Variants in HAPLN3 observed in about 807,000 individuals in gnomAD.
HAPLN3 encodes extracellular link domain containing, 1.
HAPLN3 carries 28 observed loss-of-function variants against 28.1 expected under a neutral mutation model. The ratio of observed to expected loss-of-function variants is 1.00; its 90% CI spans 0.74 to 1.37. The LOEUF (loss-of-function observed/expected upper bound fraction) is 1.37, where lower values mean the gene tolerates loss of function less well. Ranked by LOEUF, HAPLN3 falls within the 40% of genes most tolerant of loss-of-function variation. The pLI is 0.00. For missense variants in HAPLN3, 513 were observed against 504.6 expected (o/e 1.02, Z -0.16); for synonymous variants, 211 against 213.1 (o/e 0.99, Z 0.09).
In HAPLN3 at chr15:88,879,288, G is replaced by C. The variant is rs752355835; in HGVS notation, c.494-19C>G. ...ACCACACCTGCAGGGGAAGGAAAGA[G>C]GAGCTTAGGGGGTGGCCAGGGGCCC... is the stretch of plus-strand genomic sequence containing the variant. On this transcript the variant is annotated intron_variant, in intron 3 of 4. Coordinates refer to ENST00000359595, the MANE Select transcript of HAPLN3 (RefSeq NM_178232.4). This position sits in a 1 kb window ranked among gnomAD's most constrained non-coding sequence, Gnocchi z 5.0. 4 of 1,604,158 alleles carry C rather than the reference G, an allele frequency of 2.5e-6. No homozygotes were observed. Among genetic ancestry groups the C allele is most frequent in the African/African-American group, 1.3e-5 (1 of 74,912 alleles).
At chr15:88,887,424 A>G in intron 1 of HAPLN3, 79 bp from the exon 2 acceptor site, 1 of 1,305,134 alleles carries the variant, frequency 7.7e-7, no homozygotes, top group Non-Finnish European at 1.1e-6. Context: ...AACACCACTC[A>G]CTCGCTTGCT....
intron 1 of HAPLN3, among the ~76,000 whole-genome samples, chr15:88,890,023 G>GAGGAAGGAAGGAAAGGA (rs1456168627): frequency 6.7e-6 from 1 of 148,208 alleles, no homozygotes; most frequent in Non-Finnish European, 1.5e-5. Flanking sequence ...GGAGGAAGGG[G>GAGGAAGGAAGGAAAGGA]AGGAAGGAAG....
Position 88,879,955 on chromosome 15 carries a change from C to A in HAPLN3, c.494-686G>T, listed in dbSNP as rs1897652230. On this transcript the variant is annotated intron_variant, in intron 3 of 4. Transcript: ENST00000359595. The surrounding 1 kb of genome is among the most constrained non-coding windows in gnomAD (Gnocchi z 5.0). Reference sequence around the variant, plus strand: ...TGTAGTCTCTACCAAGTCAATGAAACCTTAGGGAGTGGAGGTGACCCTAGG... The same window carrying A: ...TGTAGTCTCTACCAAGTCAATGAAAACTTAGGGAGTGGAGGTGACCCTAGG... 1.0e-6 allele frequency: 1 copy of A among 1,004,440 alleles called. No individual in the cohort carries two copies. Among genetic ancestry groups the A allele is most frequent in the African/African-American group, 1.7e-5 (1 of 57,562 alleles). The allele number at this position is 1,004,440 out of a possible 1,614,324, so 62.2% of individuals were successfully genotyped here.
rs1221106731 is a variant in HAPLN3 at position 88,881,319 on chromosome 15, C to T, written c.493+38G>A. 7 of 1,581,072 alleles carry T rather than the reference C, an allele frequency of 4.4e-6. No individual in the cohort carries two copies. The highest frequency in any genetic ancestry group is 1.7e-6 in the Non-Finnish European group (2 of 1,163,280). The stretch of plus-strand genomic sequence containing the variant: ...TCTCTGGTCCTCTCCCCTCTGCTCT[C>T]AGGTCCCAGTGTCACCCAGTCCCCG... On this transcript the variant is annotated intron_variant, in intron 3 of 4. Transcript: ENST00000359595. This position sits in a 1 kb window ranked among gnomAD's most constrained non-coding sequence, Gnocchi z 6.0.
rs554106896 is a variant in HAPLN3, at chr15:88,878,007, C to A, written c.1046G>T (p.Ser349Ile). The change falls in exon 5 of 5, where the codon AGC (serine) becomes ATC (isoleucine). Residue 349 changes from serine (S) to isoleucine (I), a missense_variant. By Grantham distance (142) the Ser-to-Ile change is moderately radical (BLOSUM62 -2). Coordinates refer to ENST00000359595, the MANE Select transcript of HAPLN3 (RefSeq NM_178232.4). ...GTAGCAGTAAACACCGTACAAGCGG[C>A]TCTGCGGGTCGGGGAAGCCAAAGCT... ...VRSFGFPDPQ[S>I]RLYGVYCYRQ... 1.2e-6 allele frequency: 2 copies of A among 1,613,544 alleles called. No individual in the cohort carries two copies. The highest frequency in any genetic ancestry group is 1.1e-5 in the South Asian group (1 of 91,006).
Position 88,887,211 on chromosome 15 carries a change from C to A in HAPLN3, c.88G>T (p.Ala30Ser). The change falls in exon 2 of 5, where the codon GCC becomes TCC. Residue 30 changes from alanine (A) to serine (S), a missense_variant. Coordinates refer to ENST00000359595, the MANE Select transcript of HAPLN3 (RefSeq NM_178232.4). ...FYNGFYYSNSANDQNLGNGHG... is the reference protein window; with the variant it reads ...FYNGFYYSNSSNDQNLGNGHG... ...CCGTTGCCTAGGTTCTGGTCGTTGG[C>A]GCTGTTGGAGTAGTAGAAGCCGTTG... 1 of 1,614,118 alleles carries A rather than the reference C, an allele frequency of 6.2e-7. No individual in the cohort carries two copies. The highest frequency in any genetic ancestry group is 1.1e-5 in the South Asian group (1 of 91,076).
intron 1 of HAPLN3, among the ~76,000 whole-genome samples, chr15:88,890,353 T>G (rs189361257): frequency 3.9e-5 from 6 of 152,308 alleles, no homozygotes; most frequent in African/African-American, 1.4e-4. Flanking sequence ...CCCTTGGTGA[T>G]GGAGAACTGG....
intron 1 of HAPLN3, among the ~76,000 whole-genome samples, chr15:88,890,466 A>G (rs1335559900): frequency 6.6e-6 from 1 of 152,210 alleles, no homozygotes; most frequent in East Asian, 1.9e-4. Flanking sequence ...ATTCTGGGCA[A>G]GTTTCCTCGG....
chr15:88,891,433 A>G (rs1385449215), intron 1 of HAPLN3, among the ~76,000 whole-genome samples: 4 of 152,036 alleles, frequency 2.6e-5, no homozygotes, highest in African/African-American at 9.7e-5. Flanking sequence ...AGTAGCTGGG[A>G]TTACAGGTGT....
At chr15:88,886,853 C>A (rs184797729) in intron 2 of HAPLN3, among the ~76,000 whole-genome samples, 1 of 152,194 alleles carries the variant, frequency 6.6e-6, no homozygotes, top group Non-Finnish European at 1.5e-5. Context: ...CATTCAAACT[C>A]ACATCTATTC....
chr15:88,885,741 C>G (rs1266061059), intron 2 of HAPLN3, among the ~76,000 whole-genome samples: 3 of 152,154 alleles, frequency 2.0e-5, no homozygotes, highest in African/African-American at 7.2e-5. Flanking sequence ...AGGTGTGAGT[C>G]ACCGCGCCTG....
rs1897937524 is a variant in HAPLN3, at chr15:88,888,921, CCA to C, written c.-47-1578_-47-1577del. Reference sequence around the variant, plus strand: ...GTATACAGGAGGTCCTCCATTTGCCCCACACACCCACCAGGTCCATCGTCTGT... The same window carrying C: ...GTATACAGGAGGTCCTCCATTTGCCCCACACCCACCAGGTCCATCGTCTGT... On this transcript the variant is annotated intron_variant, in intron 1 of 4. Coordinates refer to ENST00000359595, the MANE Select transcript of HAPLN3 (RefSeq NM_178232.4). The surrounding 1 kb of genome is among the most constrained non-coding windows in gnomAD (Gnocchi z 4.1). 6.6e-6 allele frequency among the ~76,000 whole-genome samples: 1 copy of C among 152,206 alleles called. No individual in the cohort carries two copies. Among genetic ancestry groups the C allele is most frequent in the Non-Finnish European group, 1.5e-5 (1 of 68,044 alleles).
chr15:88,881,525 G>T lies in HAPLN3; in HGVS notation c.325C>A (p.His109Asn). The change falls in exon 3 of 5, where the codon CAC (histidine) becomes AAC (asparagine). Residue 109 changes from histidine (H) to asparagine (N), a missense_variant. Coordinates refer to ENST00000359595, the MANE Select transcript of HAPLN3 (RefSeq NM_178232.4). The surrounding 1 kb of genome is among the most constrained non-coding windows in gnomAD (Gnocchi z 6.0). The part of the protein sequence containing the change: ...KDVLVAIGLR[H>N]RSFGDYQGRV... ...CCTTGGTAGTCCCCAAAGGAGCGGT[G>T]CCTCAGCCCGATGGCCACCAGCACG... 1 of 1,614,108 alleles carries T rather than the reference G, an allele frequency of 6.2e-7. No homozygotes were observed. Among genetic ancestry groups the T allele is most frequent in the East Asian group, 2.2e-5 (1 of 44,874 alleles).
In HAPLN3 at chr15:88,881,482, T is replaced by C; in HGVS notation, c.368A>G (p.Gln123Arg). The change falls in exon 3 of 5, where the codon CAG (glutamine) becomes CGG (arginine). Residue 123 changes from glutamine to arginine, a missense_variant. Gln to Arg is a conservative substitution (Grantham distance 43). Coordinates refer to ENST00000359595, the MANE Select transcript of HAPLN3 (RefSeq NM_178232.4). This position sits in a 1 kb window ranked among gnomAD's most constrained non-coding sequence, Gnocchi z 6.0. The stretch of plus-strand genomic sequence containing the variant: ...CAGCGAGACGTCATGCTCTTTGTCC[T>C]GCCGCAGGTGCACGCGGCCTTGGTA... ...GDYQGRVHLR[Q>R]DKEHDVSLEI... 2 of 1,614,068 alleles carry C rather than the reference T, an allele frequency of 1.2e-6. No homozygotes were observed. Among genetic ancestry groups the C allele is most frequent in the Non-Finnish European group, 8.5e-7 (1 of 1,180,030 alleles).
intron 1 of HAPLN3, among the ~76,000 whole-genome samples, chr15:88,890,583 G>A (rs1197227930): frequency 6.6e-6 from 1 of 152,204 alleles, no homozygotes; most frequent in Non-Finnish European, 1.5e-5. Flanking sequence ...CCGTTCAGCT[G>A]AAGACTGCAT....
In HAPLN3 at chr15:88,888,754, G is replaced by T. The variant is rs1897933400; in HGVS notation, c.-47-1409C>A. Among the ~76,000 whole-genome samples the T allele has an allele frequency of 6.6e-6, 1 of 152,220 alleles. No homozygotes were observed. Among genetic ancestry groups the T allele is most frequent in the South Asian group, 2.1e-4 (1 of 4,834 alleles). ...CTGTGTGTTGAGTACCACGATGGAG[G>T]TACAGAAACGGGAATGTCCAAATGA... On this transcript the variant is annotated intron_variant, in intron 1 of 4. Coordinates refer to ENST00000359595, the MANE Select transcript of HAPLN3 (RefSeq NM_178232.4). This position sits in a 1 kb window ranked among gnomAD's most constrained non-coding sequence, Gnocchi z 4.1.
rs776553834 is a variant in HAPLN3, at chr15:88,887,251, G to A, written c.48C>T (p.Tyr16=). ...AGAAGCCGTTGTAGAAGGGCAGTCCGTAGGAGCCGGGCAGCAGGAGCAACG... is the reference window on the plus strand; with the variant it reads ...AGAAGCCGTTGTAGAAGGGCAGTCCATAGGAGCCGGGCAGCAGGAGCAACG... The part of the protein sequence containing the change: ...LVPLLLLPGS[Y]GLPFYNGFYY... The change falls in exon 2 of 5, where the codon TAC becomes TAT. Residue 16 remains tyrosine (Y), a synonymous_variant. Transcript: ENST00000359595. 148 of 1,614,164 alleles carry A rather than the reference G, an allele frequency of 9.2e-5. No individual in the cohort carries two copies. Among genetic ancestry groups the A allele is most frequent in the East Asian group, 1.1e-4 (5 of 44,866 alleles).
chr15:88,879,004 G>C lies in HAPLN3; in HGVS notation c.759C>G (p.His253Gln). 1 of 1,610,620 alleles carries C rather than the reference G, an allele frequency of 6.2e-7. No individual in the cohort carries two copies. The highest frequency in any genetic ancestry group is 8.5e-7 in the Non-Finnish European group (1 of 1,179,006). ...TAGCGAAGCAGAATACATCATAGCG[G>C]TGCAGGCGGCGGTGGCGGGGGCCGT... ...RSYGPRHRRL[H>Q]RYDVFCFATA... The change falls in exon 4 of 5, where the codon CAC becomes CAG. Residue 253 changes from histidine to glutamine, a missense_variant. His to Gln is a conservative substitution (Grantham distance 24, BLOSUM62 0). Coordinates refer to ENST00000359595, the MANE Select transcript of HAPLN3 (RefSeq NM_178232.4). The surrounding 1 kb of genome is among the most constrained non-coding windows in gnomAD (Gnocchi z 5.0).
chr15:88,879,066 AG>A lies in HAPLN3; in HGVS notation c.696del (p.Cys233AlafsTer45). On this transcript the variant is annotated frameshift_variant, in exon 4 of 5. Coordinates refer to ENST00000359595, the MANE Select transcript of HAPLN3 (RefSeq NM_178232.4). LOFTEE classifies it high-confidence loss of function. The surrounding 1 kb of genome is among the most constrained non-coding windows in gnomAD (Gnocchi z 5.0). ...CCAGGTGCCAGGCCCGGGCCACCGC[AG>A]GGCTGCCGGGGCAACATGATGGGGT... ...VQYPIMLPRQ[P>X]CGGPGLAPGV... 1 of 1,607,258 alleles carries A rather than the reference AG, an allele frequency of 6.2e-7. No individual in the cohort carries two copies. Among genetic ancestry groups the A allele is most frequent in the East Asian group, 2.2e-5 (1 of 44,654 alleles).
Sources: gnomAD v4.1 joint callset for allele counts (sites outside exome capture counted in the v4.1 genomes callset) on GRCh38, gnomAD v4.1.1 for gene constraint, Gnocchi (gnomAD v3.1) non-coding constraint, MANE v1.5 for transcripts, NCBI Gene and HGNC (gene_info 2026-07-23, HGNC 2026-07-21) for gene names.